The following LATS2 variants were observed in gnomAD, a reference collection of about 807,000 sequenced individuals.
LATS2 encodes the protein serine/threonine-protein kinase LATS2.
LATS2 carries 24 observed loss-of-function variants against 76.0 expected under a neutral mutation model. The observed-to-expected ratio is 0.32, with a 90% confidence interval of 0.23 to 0.44. The LOEUF is 0.44. Among genes scored for constraint, LATS2 ranks in the 20% least tolerant of loss-of-function variants. The probability of loss-of-function intolerance (pLI) is 1.00; values close to 1 mark genes in which losing one functional copy is unlikely to be tolerated. For missense variants in LATS2, 1,286 were observed against 1,481.2 expected (o/e 0.87, Z 2.16); for synonymous variants, 692 against 635.4 (o/e 1.09, Z -1.34).
In LATS2 at chr13:21,007,607, GTA is replaced by G. The variant is rs1172917714; in HGVS notation, c.343-16205_343-16204del. Among the ~76,000 whole-genome samples, 32 of 5,760 alleles carry G rather than the reference GTA, an allele frequency of 5.6e-3. 6 individuals carry two copies. Among genetic ancestry groups the G allele is most frequent in the East Asian group, 0.015 (1 of 68 alleles). The allele number at this position is 5,760 out of a possible 152,430, so 3.8% of individuals were successfully genotyped here. On this transcript the variant is annotated intron_variant, in intron 2 of 7. Coordinates refer to ENST00000382592, the MANE Select transcript of LATS2 (RefSeq NM_014572.3). ...TATATAGTATATATATATATAGTGT[GTA>G]TATATATATATAGTGTATATATATA...
chr13:20,974,123 C>T lies in LATS2; in HGVS notation c.*747G>A. The T allele has an allele frequency of 4.4e-6, 1 of 228,752 alleles. No individual in the cohort carries two copies. The highest frequency in any genetic ancestry group is 8.7e-6 in the Non-Finnish European group (1 of 115,158). 14.2% of individuals were successfully genotyped at this position (228,752 alleles called of 1,614,324 possible). A position where few individuals can be genotyped will look rare whatever the true frequency, so the allele number is the denominator to read the frequency against. On this transcript the variant is annotated 3_prime_UTR_variant, in exon 8 of 8. Coordinates refer to ENST00000382592, the MANE Select transcript of LATS2 (RefSeq NM_014572.3). ...CATTATCAGCACACTGTCTAGAACA[C>T]CTCATTTAAAGACACTCAGTAAAAA...
chr13:21,058,606 T>G (rs1873524927), intron 1 of LATS2, among the ~76,000 whole-genome samples: 1 of 152,220 alleles, frequency 6.6e-6, no homozygotes, highest in African/African-American at 2.4e-5. Flanking sequence ...TATTTCAAAC[T>G]CGATGGAGAA....
At chr13:20,989,456 C>G in intron 3 of LATS2, 152 bp from the exon 4 acceptor site, 1 of 763,162 alleles carries the variant, frequency 1.3e-6, no homozygotes, top group Non-Finnish European at 2.1e-6. Context: ...AGCACAGGGT[C>G]AGTGGACTCC....
intron 1 of LATS2, among the ~76,000 whole-genome samples, chr13:21,056,155 G>A (rs1056500273): frequency 6.6e-6 from 1 of 152,024 alleles, no homozygotes; most frequent in Admixed American, 6.5e-5. Flanking sequence ...TTGGTGGGGG[G>A]GGCAGGGTCT....
intron 6 of LATS2, among the ~76,000 whole-genome samples, chr13:20,980,645 G>A (rs593390): frequency 0.26 from 39,864 of 152,100 alleles, 5,477 homozygotes; most frequent in Middle Eastern, 0.32. Flanking sequence ...GTGGTAGAGG[G>A]AAGTAGACCT....
chr13:21,041,076 C>T (rs1467320322), intron 2 of LATS2, among the ~76,000 whole-genome samples: 1 of 152,090 alleles, frequency 6.6e-6, no homozygotes, highest in East Asian at 1.9e-4. Flanking sequence ...GGGTTCACAC[C>T]ATTCTCCTGC....
At chr13:21,014,417 G>A (rs1048940049) in intron 2 of LATS2, among the ~76,000 whole-genome samples, 6 of 152,232 alleles carry the variant, frequency 3.9e-5, no homozygotes, top group African/African-American at 1.2e-4. Flanking sequence ...CACTGCCACC[G>A]TGGTTTGGCT....
intron 2 of LATS2, among the ~76,000 whole-genome samples, chr13:21,041,027 C>T (rs1872860661): frequency 6.6e-6 from 1 of 151,688 alleles, no homozygotes; most frequent in South Asian, 2.1e-4. Flanking sequence ...GGCTGGAGTA[C>T]AGTGGCACGA....
chr13:21,021,706 T>G (rs1343315759), intron 2 of LATS2, among the ~76,000 whole-genome samples: 1 of 152,182 alleles, frequency 6.6e-6, no homozygotes, highest in African/African-American at 2.4e-5. Flanking sequence ...GATGTGTGGC[T>G]TAAAGATAAT....
chr13:21,013,376 G>A (rs770807523), intron 2 of LATS2, among the ~76,000 whole-genome samples: 3 of 152,162 alleles, frequency 2.0e-5, no homozygotes, highest in Non-Finnish European at 2.9e-5. Flanking sequence ...ATGTGCATGA[G>A]GGAATATTAA....
intron 2 of LATS2, among the ~76,000 whole-genome samples, chr13:20,997,960 A>G (rs1411054931): frequency 6.6e-6 from 1 of 152,170 alleles, no homozygotes; most frequent in Non-Finnish European, 1.5e-5. Context: ...CATATCCTAA[A>G]GTTTTAACAT....
intron 2 of LATS2, among the ~76,000 whole-genome samples, chr13:20,999,426 C>CT (rs1351297174): frequency 6.6e-6 from 1 of 152,162 alleles, no homozygotes. Context: ...ATGCTAATCT[C>CT]TGTATCGTTC....
At chr13:21,025,867 G>C (rs939739381) in intron 2 of LATS2, among the ~76,000 whole-genome samples, 1 of 152,172 alleles carries the variant, frequency 6.6e-6, no homozygotes, top group Non-Finnish European at 1.5e-5. Context: ...TGTACGTCTG[G>C]GTTGATTTTT....
intron 2 of LATS2, among the ~76,000 whole-genome samples, chr13:21,044,089 T>C (rs1245133218): frequency 6.6e-6 from 1 of 152,202 alleles, no homozygotes; most frequent in Non-Finnish European, 1.5e-5. Flanking sequence ...GCTGAAACAC[T>C]CTGCACCACA....
intron 2 of LATS2, among the ~76,000 whole-genome samples, chr13:21,002,374 CT>C (rs549992152): frequency 0.32 from 43,336 of 136,950 alleles, 6,408 homozygotes; most frequent in African/African-American, 0.46. Flanking sequence ...AATTAATTAA[CT>C]TTTTTTTTTT....
intron 2 of LATS2, among the ~76,000 whole-genome samples, chr13:21,016,330 G>C (rs1871797883): frequency 6.7e-6 from 1 of 149,412 alleles, no homozygotes; most frequent in South Asian, 2.1e-4. Context: ...TGTCACCCAG[G>C]CTCAGTACAG....
At chr13:21,027,842 G>A (rs1032833634) in intron 2 of LATS2, among the ~76,000 whole-genome samples, 13 of 152,130 alleles carry the variant, frequency 8.5e-5, no homozygotes, top group Non-Finnish European at 1.6e-4. Flanking sequence ...TGGATCCACA[G>A]ATAACTGTGA....
chr13:21,033,693 G>A (rs1365941975), intron 2 of LATS2, among the ~76,000 whole-genome samples: 2 of 147,836 alleles, frequency 1.4e-5, no homozygotes, highest in East Asian at 3.9e-4. Flanking sequence ...GGGCCTACTA[G>A]ATGCCAAATG....
At chr13:21,033,435 C>T (rs1252768556) in intron 2 of LATS2, among the ~76,000 whole-genome samples, 1 of 151,782 alleles carries the variant, frequency 6.6e-6, no homozygotes, top group Non-Finnish European at 1.5e-5. Flanking sequence ...CACGGGAAGA[C>T]TGGAAACAAA....
Sources: allele counts gnomAD v4.1 joint callset (sites outside exome capture counted in the v4.1 genomes callset), GRCh38; gene constraint gnomAD v4.1.1; transcripts MANE v1.5; gene names NCBI Gene and HGNC (gene_info 2026-07-23, HGNC 2026-07-21).